Variants in DENND10 observed in about 807,000 individuals in gnomAD.
The protein encoded by DENND10 is DENN domain-containing protein 10.
In DENND10, 24 loss-of-function variants were observed where a neutral mutation model predicts 43.6. The ratio of observed to expected loss-of-function variants is 0.55; its 90% CI spans 0.40 to 0.77. The LOEUF (loss-of-function observed/expected upper bound fraction) is 0.77, where lower values mean the gene tolerates loss of function less well. Ranked by LOEUF, DENND10 falls within the 30% of genes least tolerant of loss-of-function variation. The pLI, the probability that DENND10 is intolerant of heterozygous loss-of-function variation, is 0.00. For synonymous variants in DENND10, 125 were observed against 157.6 expected (o/e 0.79, Z 1.55); for missense variants, 303 against 429.9 (o/e 0.70, Z 2.61).
intron 7 of DENND10, among the ~76,000 whole-genome samples, chr10:119,130,469 T>G (rs889428062): frequency 6.6e-6 from 1 of 152,160 alleles, no homozygotes; most frequent in African/African-American, 2.4e-5. Flanking sequence ...GCCTAATTTT[T>G]GTATTTTTAC....
At chr10:119,109,592 A>G (rs1283000339) in intron 2 of DENND10, among the ~76,000 whole-genome samples, 1 of 152,064 alleles carries the variant, frequency 6.6e-6, no homozygotes, top group Non-Finnish European at 1.5e-5. Context: ...ACAGATTCAT[A>G]GTTACAAAAT....
chr10:119,117,587 T>G lies in DENND10; in HGVS notation c.401T>G (p.Ile134Arg), dbSNP rs1032354685. The change falls in exon 4 of 9, where the codon ATA (isoleucine) becomes AGA (arginine). Residue 134 changes from isoleucine (I) to arginine (R), a missense_variant. By Grantham distance (97) the Ile-to-Arg change is moderately conservative. Coordinates refer to ENST00000361432, the MANE Select transcript of DENND10 (RefSeq NM_207009.4). ...ESYIAVLTKG[I>R]CQSEENGSFL... ...TATATTGCAGTTCTCACAAAGGGGA[T>G]ATGCCAGAGTGAAGAAAACGGCTCT... 1.2e-6 allele frequency: 2 copies of G among 1,614,020 alleles called. No homozygotes were observed. Among genetic ancestry groups the G allele is most frequent in the South Asian group, 1.1e-5 (1 of 91,080 alleles).
chr10:119,130,795 G>A (rs1258407891), intron 7 of DENND10, among the ~76,000 whole-genome samples: 1 of 152,306 alleles, frequency 6.6e-6, no homozygotes, highest in East Asian at 1.9e-4. Flanking sequence ...TCTCCATAGG[G>A]TTGCTTGAGT....
chr10:119,123,875 AT>A (rs75237743), intron 6 of DENND10, among the ~76,000 whole-genome samples: 287 of 142,538 alleles, frequency 2.0e-3, no homozygotes, highest in Non-Finnish European at 1.9e-3. Context: ...TTGCCCTTAA[AT>A]TTTTTTTTTT....
Position 119,132,600 on chromosome 10 carries a change from C to T in DENND10, c.888C>T (p.His296=), listed in dbSNP as rs375096652. The T allele has an allele frequency of 6.1e-5, 98 of 1,613,462 alleles. No individual in the cohort carries two copies. The highest frequency in any genetic ancestry group is 7.5e-5 in the Non-Finnish European group (88 of 1,179,374). The change falls in exon 8 of 9, where the codon CAC becomes CAT. Residue 296 remains histidine (H), a synonymous_variant. Coordinates refer to ENST00000361432, the MANE Select transcript of DENND10 (RefSeq NM_207009.4). The surrounding 1 kb of genome is among the most constrained non-coding windows in gnomAD (Gnocchi z 4.2). ...SAEDPEKSES[H]VIQDIALKTR... ...AAGATCCAGAGAAATCAGAGAGCCACGTTATACAGGTAACTCCCTCACCTT... is the reference window on the plus strand; with the variant it reads ...AAGATCCAGAGAAATCAGAGAGCCATGTTATACAGGTAACTCCCTCACCTT...
chr10:119,127,510 G>A (rs758087233), intron 6 of DENND10, among the ~76,000 whole-genome samples: 7 of 151,656 alleles, frequency 4.6e-5, no homozygotes, highest in Admixed American at 3.3e-4. Context: ...ACAGAGTCTC[G>A]CTCTGTTGCC....
chr10:119,111,946 A>C lies in DENND10; in HGVS notation c.332+18A>C. 3 of 1,548,188 alleles carry C rather than the reference A, an allele frequency of 1.9e-6. No individual in the cohort carries two copies. The highest frequency in any genetic ancestry group is 2.7e-6 in the Non-Finnish European group (3 of 1,121,160). ...TTGTGTAGGTCTGTATAAAAATTGT[A>C]TTAAATGCTAATATACAAAATGAAG... On this transcript the variant is annotated intron_variant, in intron 3 of 8. Transcript: ENST00000361432.
chr10:119,114,570 G>C (rs748286412), intron 3 of DENND10: 11 of 152,238 alleles, frequency 7.2e-5, no homozygotes, highest in Non-Finnish European at 1.5e-4. Flanking sequence ...CAGCTGTACA[G>C]GCCTCGATGT....
chr10:119,136,662 G>A lies in DENND10; in HGVS notation c.*15G>A, dbSNP rs113032937. The A allele has an allele frequency of 1.6e-3, 2,099 of 1,327,450 alleles. 33 individuals are homozygous for A. The African/African-American group carries it at 0.026, about 17-fold the overall frequency. The allele number at this position is 1,327,450 out of a possible 1,614,324, so 82.2% of individuals were successfully genotyped here. ...TGAAAATCTGACTGTGTGACAGAAC[G>A]TATCACTGATGACTGATAGAAAGCC... is the stretch of plus-strand genomic sequence containing the variant. On this transcript the variant is annotated 3_prime_UTR_variant, in exon 9 of 9. Transcript: ENST00000361432.
Position 119,132,750 on chromosome 10 carries a change from C to T in DENND10, c.897+141C>T, listed in dbSNP as rs1286889136. The T allele has an allele frequency of 4.3e-6, 3 of 703,586 alleles. No homozygotes were observed. Among genetic ancestry groups the T allele is most frequent in the Non-Finnish European group, 7.6e-6 (3 of 393,670 alleles). 43.6% of individuals were successfully genotyped at this position (703,586 alleles called of 1,614,324 possible). On this transcript the variant is annotated intron_variant, in intron 8 of 8. Coordinates refer to ENST00000361432, the MANE Select transcript of DENND10 (RefSeq NM_207009.4). The surrounding 1 kb of genome is among the most constrained non-coding windows in gnomAD (Gnocchi z 4.2). ...GTGCTTAGAGAGGGTTTACAGACGG[C>T]CACAGTGATGATGGACAAGCAGGTG...
At chr10:119,125,496 G>GCTTTTTTTTTTTTTTTTTT (rs1564795181) in intron 6 of DENND10, among the ~76,000 whole-genome samples, 1 of 116,232 alleles carries the variant, frequency 8.6e-6, no homozygotes, top group African/African-American at 3.2e-5. Flanking sequence ...TCCACTTCTA[G>GCTTTTTTTTTTTTTTTTTT]TTTTCTTTTT....
intron 5 of DENND10, 51 bp from the exon 6 acceptor site, chr10:119,123,417 GT>G: frequency 7.5e-7 from 1 of 1,330,376 alleles, no homozygotes; most frequent in Non-Finnish European, 1.1e-6. Flanking sequence ...GGCAGGCTGA[GT>G]CTTTAAGGTG....
chr10:119,104,319 C>T, intron 1 of DENND10, 122 bp downstream of exon 1: 2 of 925,868 alleles, frequency 2.2e-6, no homozygotes, highest in South Asian at 1.8e-5. Flanking sequence ...GGGCGCGGCC[C>T]CCTCCCTGTT....
At position 119,122,860 on chromosome 10, in the gene DENND10, G is replaced by A. The variant is rs571865635; in HGVS notation, c.594-609G>A. Reference sequence around the variant, plus strand: ...CCCTTTCCATGGCAGTCTCCAGAGTGGGATTTTTCAGAGGAAAACCTTAGA... The same window carrying A: ...CCCTTTCCATGGCAGTCTCCAGAGTAGGATTTTTCAGAGGAAAACCTTAGA... On this transcript the variant is annotated intron_variant, in intron 5 of 8. Transcript: ENST00000361432. Among the ~76,000 whole-genome samples, 4 of 102,798 alleles carry A rather than the reference G, an allele frequency of 3.9e-5. No homozygotes were observed. The East Asian group carries it at 1.2e-3, about 31-fold the overall frequency. The allele number at this position is 102,798 out of a possible 152,430, so 67.4% of individuals were successfully genotyped here. A position where few individuals can be genotyped will look rare whatever the true frequency, so the allele number is the denominator to read the frequency against.
rs377721769 is a variant in DENND10 at position 119,108,299 on chromosome 10, A to G, written c.252+135A>G. The stretch of plus-strand genomic sequence containing the variant: ...AGAGATTCAGACCATCCTGGCCAGC[A>G]AGGTGAAACCCCATCTCTACTAAAA... On this transcript the variant is annotated intron_variant, in intron 2 of 8. Transcript: ENST00000361432. The G allele has an allele frequency of 1.5e-4, 103 of 690,160 alleles. 1 individual carries two copies. In the East Asian group the frequency reaches 2.1e-3, roughly 14 times the overall value. The allele number at this position is 690,160 out of a possible 1,614,324, so 42.8% of individuals were successfully genotyped here.
At chr10:119,107,867 G>A in intron 1 of DENND10, 101 bp from the exon 2 acceptor site, 1 of 1,045,878 alleles carries the variant, frequency 9.6e-7, no homozygotes, top group Non-Finnish European at 1.5e-6. Flanking sequence ...TTTGTAAGAT[G>A]GGATGTTAAA....
chr10:119,104,288 C>G, intron 1 of DENND10, 91 bp downstream of exon 1: 1 of 1,245,686 alleles, frequency 8.0e-7, no homozygotes, highest in Non-Finnish European at 1.1e-6. Context: ...CCCGCGGCCC[C>G]CGGCGCCGAC....
chr10:119,127,645 ATT>A (rs71480783), intron 6 of DENND10, among the ~76,000 whole-genome samples: 1 of 148,754 alleles, frequency 6.7e-6, no homozygotes, highest in African/African-American at 2.5e-5. Flanking sequence ...TGCCCAGCTA[ATT>A]TTTTTTTTTA....
chr10:119,132,487 T>C lies in DENND10; in HGVS notation c.803-28T>C. On this transcript the variant is annotated intron_variant, in intron 7 of 8. Coordinates refer to ENST00000361432, the MANE Select transcript of DENND10 (RefSeq NM_207009.4). The surrounding 1 kb of genome is among the most constrained non-coding windows in gnomAD (Gnocchi z 4.2). Reference sequence around the variant, plus strand: ...CATGATTATTTTTTATGTCGATTTCTAAATATTCACCTTCTTGATCTCACC... The same window carrying C: ...CATGATTATTTTTTATGTCGATTTCCAAATATTCACCTTCTTGATCTCACC... The C allele has an allele frequency of 6.4e-7, 1 of 1,563,882 alleles. No individual in the cohort carries two copies. Among genetic ancestry groups the C allele is most frequent in the Non-Finnish European group, 8.8e-7 (1 of 1,135,250 alleles).
Sources: allele counts gnomAD v4.1 joint callset (sites outside exome capture counted in the v4.1 genomes callset), GRCh38; gene constraint gnomAD v4.1.1; non-coding constraint Gnocchi (gnomAD v3.1); transcripts MANE v1.5; gene names NCBI Gene and HGNC (gene_info 2026-07-23, HGNC 2026-07-21).